Variants in AHCYL2 observed in about 807,000 individuals in gnomAD.
The protein encoded by AHCYL2 is S-adenosylhomocysteine hydrolase-like protein 2.
Under a neutral mutation model 81.4 loss-of-function variants are expected in AHCYL2, and 28 were observed. The observed-to-expected ratio is 0.34, with a 90% CI of 0.25 to 0.47. AHCYL2 has a LOEUF of 0.47. Ranked by LOEUF, AHCYL2 falls within the 20% of genes least tolerant of loss-of-function variation. The pLI is 1.00. For missense variants in AHCYL2, 551 were observed against 785.1 expected (o/e 0.70, Z 3.56); for synonymous variants, 272 against 290.2 (o/e 0.94, Z 0.64).
rs575457706 is a variant in AHCYL2 at position 129,274,285 on chromosome 7, G to A, written c.363+48846G>A. Among the ~76,000 whole-genome samples, 4 of 152,320 alleles carry A rather than the reference G, an allele frequency of 2.6e-5. No individual in the cohort carries two copies. In the South Asian group the frequency reaches 6.2e-4, roughly 24 times the overall value. On this transcript the variant is annotated intron_variant, in intron 1 of 16. Transcript: ENST00000325006. ...AATTTGTTTCTTTAATTCAGATCAG[G>A]AGGAACTATACTGCAGTAGCTGTAC...
At chr7:129,416,698 G>A (rs901796251) in intron 12 of AHCYL2, among the ~76,000 whole-genome samples, 2 of 152,144 alleles carry the variant, frequency 1.3e-5, no homozygotes, top group African/African-American at 4.8e-5. Flanking sequence ...TACTCAGGAG[G>A]CTGAGGCAGA....
At chr7:129,358,954 A>G (rs191903384) in intron 1 of AHCYL2, among the ~76,000 whole-genome samples, 60 of 152,332 alleles carry the variant, frequency 3.9e-4, no homozygotes, top group African/African-American at 1.2e-3. Context: ...GTTTGACATT[A>G]TCTAGCTGAA....
chr7:129,369,770 T>C (rs977072247), intron 1 of AHCYL2, among the ~76,000 whole-genome samples: 1 of 152,136 alleles, frequency 6.6e-6, no homozygotes, highest in African/African-American at 2.4e-5. Context: ...CAGGCTGGTC[T>C]TGAACTCCTG....
chr7:129,322,717 G>T (rs1353005094), intron 1 of AHCYL2, among the ~76,000 whole-genome samples: 1 of 152,014 alleles, frequency 6.6e-6, no homozygotes. Flanking sequence ...TCACCCTCCC[G>T]AGTAGCTGGG....
chr7:129,360,073 T>C (rs981183864), intron 1 of AHCYL2, among the ~76,000 whole-genome samples: 2 of 152,136 alleles, frequency 1.3e-5, no homozygotes, highest in African/African-American at 4.8e-5. Flanking sequence ...ATTTAATTCA[T>C]TTTAGGCTTT....
chr7:129,345,654 G>A (rs1371035915), intron 1 of AHCYL2, among the ~76,000 whole-genome samples: 1 of 152,064 alleles, frequency 6.6e-6, no homozygotes, highest in Non-Finnish European at 1.5e-5. Flanking sequence ...TTATCAAGAT[G>A]GACAGGAAAT....
chr7:129,396,272 G>A lies in AHCYL2; in HGVS notation c.721-950G>A, dbSNP rs574059427. Among the ~76,000 whole-genome samples, 14 of 151,928 alleles carry A rather than the reference G, an allele frequency of 9.2e-5. No individual in the cohort carries two copies. In the South Asian group the frequency reaches 2.7e-3, roughly 29 times the overall value. ...CGAGTAGCTGGGACTACAGGCGCCC[G>A]CTACCACACCCGGCTAATTTTTTTT... On this transcript the variant is annotated intron_variant, in intron 4 of 16. Transcript: ENST00000325006.
intron 1 of AHCYL2, among the ~76,000 whole-genome samples, chr7:129,251,256 A>G (rs1053764802): frequency 2.6e-5 from 4 of 151,160 alleles, no homozygotes; most frequent in South Asian, 4.2e-4. Context: ...TGTAAACTCT[A>G]CAGGACTTAG....
chr7:129,293,686 A>G (rs80123330), intron 1 of AHCYL2, among the ~76,000 whole-genome samples: 1,694 of 152,328 alleles, frequency 0.011, 14 homozygotes, highest in Non-Finnish European at 0.016. Flanking sequence ...CAATACACAC[A>G]TAACATTTTT....
chr7:129,276,984 G>A (rs933128523), intron 1 of AHCYL2, among the ~76,000 whole-genome samples: 1 of 152,014 alleles, frequency 6.6e-6, no homozygotes. Context: ...TAGATAAAAA[G>A]AACAGCGTTG....
At chr7:129,256,549 A>ACT (rs1213535960) in intron 1 of AHCYL2, among the ~76,000 whole-genome samples, 66 of 63,728 alleles carry the variant, frequency 1.0e-3, no homozygotes, top group Non-Finnish European at 1.4e-3. Context: ...CCCACCCCCC[A>ACT]CCCCCCCCCC....
chr7:129,248,930 T>C (rs993053503), intron 1 of AHCYL2, among the ~76,000 whole-genome samples: 6 of 152,128 alleles, frequency 3.9e-5, no homozygotes, highest in Non-Finnish European at 7.4e-5. Flanking sequence ...AGATTGTTTA[T>C]TGCTAGCATA....
At chr7:129,384,245 A>G (rs982626105) in intron 2 of AHCYL2, among the ~76,000 whole-genome samples, 1 of 149,230 alleles carries the variant, frequency 6.7e-6, no homozygotes, top group Admixed American at 6.7e-5. Flanking sequence ...AATATATATC[A>G]TATATATTAT....
intron 7 of AHCYL2, among the ~76,000 whole-genome samples, chr7:129,404,505 T>C (rs1003821821): frequency 5.3e-5 from 8 of 152,134 alleles, no homozygotes; most frequent in African/African-American, 1.9e-4. Flanking sequence ...TGAAACCCCG[T>C]CTCTACTAAA....
At position 129,251,678 on chromosome 7, in the gene AHCYL2, C is replaced by T. The variant is rs557594751; in HGVS notation, c.363+26239C>T. On this transcript the variant is annotated intron_variant, in intron 1 of 16. Transcript: ENST00000325006. ...CTGGCCAGCTGAAGTTTTTGATTCC[C>T]AGCCTTATTCTCTGTCTTTGCACCT... 7.9e-5 allele frequency among the ~76,000 whole-genome samples: 12 copies of T among 152,204 alleles called. 1 individual carries two copies. Among genetic ancestry groups the T allele is most frequent in the African/African-American group, 2.9e-4 (12 of 41,522 alleles).
intron 1 of AHCYL2, among the ~76,000 whole-genome samples, chr7:129,340,567 C>CA (rs569272896): frequency 0.048 from 3,937 of 82,038 alleles, 62 homozygotes; most frequent in Admixed American, 0.056. Context: ...GACTCCGTCT[C>CA]AAAAAAAAAA....
At chr7:129,301,191 AT>A (rs1797245847) in intron 1 of AHCYL2, among the ~76,000 whole-genome samples, 1 of 152,072 alleles carries the variant, frequency 6.6e-6, no homozygotes, top group Non-Finnish European at 1.5e-5. Flanking sequence ...TCTTTTGCCC[AT>A]TTTTTAATTG....
intron 1 of AHCYL2, among the ~76,000 whole-genome samples, chr7:129,340,757 A>G (rs565347287): frequency 1.6e-3 from 248 of 152,182 alleles, no homozygotes; most frequent in Non-Finnish European, 2.7e-3. Context: ...TGCTTTTTCT[A>G]TATCTATTGA....
intron 1 of AHCYL2, among the ~76,000 whole-genome samples, chr7:129,271,505 G>T (rs1796016494): frequency 6.6e-6 from 1 of 152,038 alleles, no homozygotes; most frequent in South Asian, 2.1e-4. Flanking sequence ...CAATGGAAAT[G>T]AATAAATTGC....
Sources: allele counts gnomAD v4.1 joint callset (sites outside exome capture counted in the v4.1 genomes callset), GRCh38; gene constraint gnomAD v4.1.1; transcripts MANE v1.5; gene names NCBI Gene and HGNC (gene_info 2026-07-23, HGNC 2026-07-21).